The following ENOX1 variants were observed in gnomAD, a reference collection of about 807,000 sequenced individuals.
ENOX1 encodes the protein ecto-NOX disulfide-thiol exchanger 1, also known as candidate growth-related and time keeping constitutive hydroquinone (NADH) oxidase.
In ENOX1, 42 loss-of-function variants were observed where a neutral mutation model predicts 82.5. The observed-to-expected ratio is 0.51, with a 90% CI of 0.40 to 0.66. The LOEUF is 0.66. Ranked by LOEUF, ENOX1 falls within the 30% of genes least tolerant of loss-of-function variation. The probability of loss-of-function intolerance (pLI) is 0.00; values close to 1 mark genes in which losing one functional copy is unlikely to be tolerated. For synonymous variants in ENOX1, 271 were observed against 282.2 expected (o/e 0.96, Z 0.40); for missense variants, 608 against 811.6 (o/e 0.75, Z 3.05).
chr13:43,271,881 T>C (rs1417767865), intron 12 of ENOX1, among the ~76,000 whole-genome samples: 2 of 152,324 alleles, frequency 1.3e-5, no homozygotes, highest in South Asian at 2.1e-4. Flanking sequence ...AAAACATATA[T>C]TGTCATTGTT....
intron 2 of ENOX1, among the ~76,000 whole-genome samples, chr13:43,541,173 G>GCTTTTTTTTTTTTTTTTTT (rs2078696085): frequency 1.5e-5 from 1 of 64,574 alleles, no homozygotes; most frequent in African/African-American, 5.0e-5. Flanking sequence ...TCTTCCCTCT[G>GCTTTTTTTTTTTTTTTTTT]TTTTTTTTTT....
chr13:43,577,160 C>G (rs972124173), intron 2 of ENOX1, among the ~76,000 whole-genome samples: 1 of 151,136 alleles, frequency 6.6e-6, no homozygotes, highest in Admixed American at 6.6e-5. Flanking sequence ...GAGACAGAGT[C>G]TCGCTCAGTC....
chr13:43,550,017 C>G (rs1479697120), intron 2 of ENOX1, among the ~76,000 whole-genome samples: 1 of 152,204 alleles, frequency 6.6e-6, no homozygotes, highest in African/African-American at 2.4e-5. Context: ...TACCTCAGAT[C>G]ATAAGGCATC....
chr13:43,680,551 C>T (rs971393975), intron 1 of ENOX1, among the ~76,000 whole-genome samples: 4 of 152,162 alleles, frequency 2.6e-5, no homozygotes, highest in African/African-American at 9.6e-5. Context: ...AAATGATGTC[C>T]CAGGATCAGA....
At chr13:43,521,997 A>C (rs933640366) in intron 2 of ENOX1, among the ~76,000 whole-genome samples, 1 of 152,174 alleles carries the variant, frequency 6.6e-6, no homozygotes, top group African/African-American at 2.4e-5. Context: ...TCAATCCTAC[A>C]TGTATAACAA....
At chr13:43,709,064 T>C (rs1402547237) in intron 1 of ENOX1, among the ~76,000 whole-genome samples, 2 of 152,094 alleles carry the variant, frequency 1.3e-5, no homozygotes, top group South Asian at 2.1e-4. Context: ...ATGATGTATA[T>C]ACAAAATATA....
intron 1 of ENOX1, among the ~76,000 whole-genome samples, chr13:43,711,735 G>A (rs924208255): frequency 2.0e-5 from 3 of 151,950 alleles, no homozygotes; most frequent in African/African-American, 7.3e-5. Context: ...AGAAGTGTCT[G>A]TTCATATCCT....
intron 2 of ENOX1, among the ~76,000 whole-genome samples, chr13:43,499,357 T>C (rs2076900183): frequency 6.6e-6 from 1 of 152,126 alleles, no homozygotes; most frequent in South Asian, 2.1e-4. Flanking sequence ...AAATATACTA[T>C]ATTTAGGGGC....
chr13:43,235,709 G>T (rs1485932954), intron 15 of ENOX1, among the ~76,000 whole-genome samples: 1 of 148,872 alleles, frequency 6.7e-6, no homozygotes, highest in Non-Finnish European at 1.5e-5. Flanking sequence ...TCCAGCCTGG[G>T]CAACAGAGTG....
intron 2 of ENOX1, among the ~76,000 whole-genome samples, chr13:43,650,824 G>A (rs558081050): frequency 1.1e-4 from 16 of 152,236 alleles, no homozygotes; most frequent in South Asian, 2.1e-4. Flanking sequence ...GGCGACAAGC[G>A]CAAGACTCCG....
chr13:43,217,717 T>C lies in ENOX1; in HGVS notation c.1801-3596A>G, dbSNP rs375654402. On this transcript the variant is annotated intron_variant, in intron 16 of 16. Coordinates refer to ENST00000690772, the MANE Select transcript of ENOX1 (RefSeq NM_001347969.2). Reference sequence around the variant, plus strand: ...TTAAGTAACCAGTCACTTAACTTCTTTGGGCCTGTCTTCTCATTTCCAAGA... The same window carrying C: ...TTAAGTAACCAGTCACTTAACTTCTCTGGGCCTGTCTTCTCATTTCCAAGA... Among the ~76,000 whole-genome samples the C allele has an allele frequency of 4.6e-5, 7 of 152,314 alleles. No homozygotes were observed. The East Asian group carries it at 1.2e-3, about 25-fold the overall frequency.
intron 5 of ENOX1, among the ~76,000 whole-genome samples, chr13:43,386,339 G>GA (rs774374505): frequency 6.6e-6 from 1 of 152,164 alleles, no homozygotes; most frequent in Non-Finnish European, 1.5e-5. Context: ...TAATGTCGTT[G>GA]TTTTCCCAAG....
At chr13:43,606,740 G>A (rs2081989869) in intron 2 of ENOX1, among the ~76,000 whole-genome samples, 1 of 152,094 alleles carries the variant, frequency 6.6e-6, no homozygotes, top group South Asian at 2.1e-4. Context: ...TGATGGCAGG[G>A]CATGGTGGCT....
chr13:43,771,705 G>A (rs1951612715), intron 1 of ENOX1, among the ~76,000 whole-genome samples: 1 of 151,904 alleles, frequency 6.6e-6, no homozygotes, highest in African/African-American at 2.4e-5. Context: ...AGAGTTTGTA[G>A]AATCTTCCCA....
intron 3 of ENOX1, among the ~76,000 whole-genome samples, chr13:43,439,459 C>T (rs1045739180): frequency 1.3e-5 from 2 of 152,120 alleles, no homozygotes; most frequent in Non-Finnish European, 2.9e-5. Context: ...CTCAGCCTCG[C>T]AAAGTGCTGG....
intron 1 of ENOX1, among the ~76,000 whole-genome samples, chr13:43,706,832 A>C (rs2087326286): frequency 6.6e-6 from 1 of 152,136 alleles, no homozygotes; most frequent in Admixed American, 6.5e-5. Flanking sequence ...TAAAGTCAGG[A>C]AAATATCCAC....
At chr13:43,741,285 A>G (rs546686415) in intron 1 of ENOX1, among the ~76,000 whole-genome samples, 9 of 152,208 alleles carry the variant, frequency 5.9e-5, no homozygotes, top group African/African-American at 1.7e-4. Flanking sequence ...GGGTTTCACC[A>G]TGTTGGCCAG....
intron 2 of ENOX1, among the ~76,000 whole-genome samples, chr13:43,509,210 G>T (rs1211481931): frequency 1.3e-5 from 2 of 152,022 alleles, no homozygotes; most frequent in Non-Finnish European, 2.9e-5. Flanking sequence ...TAAAATATTT[G>T]TTAAAAATAT....
chr13:43,222,341 A>G (rs1017311966), intron 16 of ENOX1, among the ~76,000 whole-genome samples: 1 of 151,412 alleles, frequency 6.6e-6, no homozygotes, highest in African/African-American at 2.4e-5. Flanking sequence ...AAATCAATTC[A>G]TTACTTATCA....
Sources: allele counts gnomAD v4.1 joint callset (sites outside exome capture counted in the v4.1 genomes callset), GRCh38; gene constraint gnomAD v4.1.1; transcripts MANE v1.5; gene names NCBI Gene and HGNC (gene_info 2026-07-23, HGNC 2026-07-21).